The following FRMD4A variants were observed in gnomAD, a reference collection of about 807,000 sequenced individuals.
FRMD4A encodes the protein FERM domain-containing protein 4A.
A neutral mutation model predicts 129.1 loss-of-function variants in FRMD4A; 29 were observed. The observed-to-expected ratio is 0.22, with a 90% CI of 0.17 to 0.31. The LOEUF (loss-of-function observed/expected upper bound fraction) is 0.31. Ranked by LOEUF, FRMD4A falls within the 10% of genes least tolerant of loss-of-function variation. The pLI is 1.00. For missense variants in FRMD4A, 1,272 were observed against 1,375.8 expected (o/e 0.92, Z 1.19); for synonymous variants, 634 against 571.6 (o/e 1.11, Z -1.56).
intron 2 of FRMD4A, among the ~76,000 whole-genome samples, chr10:13,960,397 G>T (rs1404266476): frequency 6.6e-6 from 1 of 152,212 alleles, no homozygotes; most frequent in Non-Finnish European, 1.5e-5. Flanking sequence ...GGCATCTCGA[G>T]ATTTGCTTTG....
intron 2 of FRMD4A, among the ~76,000 whole-genome samples, chr10:14,181,515 G>A (rs1278013307): frequency 2.6e-5 from 4 of 152,196 alleles, no homozygotes; most frequent in African/African-American, 7.2e-5. Flanking sequence ...AAGTTAGCAT[G>A]CAGGGTAGCA....
At chr10:14,319,610 T>C (rs1846897752) in intron 2 of FRMD4A, among the ~76,000 whole-genome samples, 3 of 152,300 alleles carry the variant, frequency 2.0e-5, no homozygotes, top group Non-Finnish European at 4.4e-5. Context: ...GGAACATTGA[T>C]TGGGTACAAA....
chr10:13,891,772 C>T, intron 2 of FRMD4A: 3 of 979,276 alleles, frequency 3.1e-6, no homozygotes. Flanking sequence ...CCGCCCCGTC[C>T]CCGCCGCCGC....
At chr10:14,274,155 C>T (rs11592466) in intron 2 of FRMD4A, among the ~76,000 whole-genome samples, 8,157 of 152,298 alleles carry the variant, frequency 0.054, 252 homozygotes, top group Middle Eastern at 0.095. Context: ...CTGGGTCCTG[C>T]CCTGAACGCA....
At chr10:13,701,690 C>A (rs1165846432) in intron 13 of FRMD4A, among the ~76,000 whole-genome samples, 2 of 152,236 alleles carry the variant, frequency 1.3e-5, no homozygotes, top group African/African-American at 4.8e-5. Flanking sequence ...TTCTGATTTT[C>A]TGACTCCCTA....
chr10:14,142,273 C>G (rs1301927695), intron 2 of FRMD4A, among the ~76,000 whole-genome samples: 2 of 152,084 alleles, frequency 1.3e-5, no homozygotes, highest in Non-Finnish European at 2.9e-5. Flanking sequence ...TATACATGTT[C>G]TGGTGACAGT....
chr10:13,882,817 T>C (rs2094562386), intron 2 of FRMD4A, among the ~76,000 whole-genome samples: 1 of 151,704 alleles, frequency 6.6e-6, no homozygotes, highest in African/African-American at 2.4e-5. Flanking sequence ...TTTTTTTTTT[T>C]TTTTTTGAGA....
At chr10:14,109,971 C>T (rs1161110465) in intron 2 of FRMD4A, among the ~76,000 whole-genome samples, 1 of 148,376 alleles carries the variant, frequency 6.7e-6, no homozygotes, top group Non-Finnish European at 1.5e-5. Context: ...ACTCCGTCTC[C>T]CTCCCCCAAA....
intron 3 of FRMD4A, among the ~76,000 whole-genome samples, chr10:13,855,652 G>C (rs1218654075): frequency 1.3e-5 from 2 of 152,108 alleles, no homozygotes; most frequent in African/African-American, 4.8e-5. Flanking sequence ...AACAATATCA[G>C]TCTCAGTGTT....
intron 4 of FRMD4A, among the ~76,000 whole-genome samples, chr10:13,797,799 C>A (rs1202343058): frequency 6.6e-6 from 1 of 152,146 alleles, no homozygotes; most frequent in African/African-American, 2.4e-5. Context: ...GCATCATTGT[C>A]TAAAAACGCT....
chr10:14,045,751 ATAATG>A (rs987141394), intron 2 of FRMD4A, among the ~76,000 whole-genome samples: 2 of 145,872 alleles, frequency 1.4e-5, no homozygotes, highest in Non-Finnish European at 3.0e-5. Flanking sequence ...CCAGACATAT[ATAATG>A]TAAAGTATAA....
At chr10:14,204,202 T>C (rs1294460164) in intron 2 of FRMD4A, among the ~76,000 whole-genome samples, 1 of 151,976 alleles carries the variant, frequency 6.6e-6, no homozygotes, top group Admixed American at 6.6e-5. Flanking sequence ...GGTGGGAGGA[T>C]TGCTTGAGCC....
chr10:13,989,964 T>C (rs2095597600), intron 2 of FRMD4A, among the ~76,000 whole-genome samples: 2 of 152,354 alleles, frequency 1.3e-5, no homozygotes, highest in South Asian at 2.1e-4. Flanking sequence ...GACACTTTTC[T>C]CAGCAGCTTG....
At chr10:14,048,023 A>G (rs1834063375) in intron 2 of FRMD4A, among the ~76,000 whole-genome samples, 3 of 152,248 alleles carry the variant, frequency 2.0e-5, no homozygotes, top group African/African-American at 7.2e-5. Flanking sequence ...TCAATAAAAA[A>G]TAGATATCAT....
intron 2 of FRMD4A, among the ~76,000 whole-genome samples, chr10:14,263,337 G>A (rs879353027): frequency 6.6e-6 from 1 of 152,202 alleles, no homozygotes; most frequent in Non-Finnish European, 1.5e-5. Context: ...GGAGGGGGAA[G>A]GGGACGGGCC....
At chr10:14,038,116 A>C (rs1833588094) in intron 2 of FRMD4A, among the ~76,000 whole-genome samples, 1 of 152,174 alleles carries the variant, frequency 6.6e-6, no homozygotes. Context: ...AAGTCAGGAG[A>C]TCGAGACCAT....
chr10:13,791,536 A>C (rs557413862), intron 5 of FRMD4A, among the ~76,000 whole-genome samples: 1 of 152,266 alleles, frequency 6.6e-6, no homozygotes, highest in East Asian at 1.9e-4. Context: ...GGAAGGGTGC[A>C]CAATGGATTT....
chr10:13,918,572 A>T (rs551700658), intron 2 of FRMD4A, among the ~76,000 whole-genome samples: 19 of 152,274 alleles, frequency 1.2e-4, no homozygotes, highest in Middle Eastern at 3.4e-3. Context: ...TCTGTCGCCC[A>T]GGCTGGAGTG....
intron 2 of FRMD4A, among the ~76,000 whole-genome samples, chr10:14,031,647 C>A (rs1036692520): frequency 6.6e-6 from 1 of 152,142 alleles, no homozygotes; most frequent in Non-Finnish European, 1.5e-5. Context: ...TTTAGAGAAC[C>A]AAGGCATGAG....
Sources: gnomAD v4.1 joint callset for allele counts (sites outside exome capture counted in the v4.1 genomes callset) on GRCh38, gnomAD v4.1.1 for gene constraint, MANE v1.5 for transcripts, NCBI Gene and HGNC (gene_info 2026-07-23, HGNC 2026-07-21) for gene names.